MDGA2: variants seen among roughly 807,000 people sequenced by gnomAD.
MDGA2 encodes MAM domain containing glycosylphosphatidylinositol anchor 2.
In MDGA2, 40 loss-of-function variants were observed where a neutral mutation model predicts 117.8. The ratio of observed to expected loss-of-function variants is 0.34; its 90% CI spans 0.26 to 0.44. MDGA2 has a LOEUF of 0.44. Ranked by LOEUF, MDGA2 falls within the 20% of genes least tolerant of loss-of-function variation. MDGA2 has a pLI of 1.00. For missense variants in MDGA2, 1,123 were observed against 1,250.6 expected, an observed-to-expected ratio of 0.90 and a Z score of 1.54; for synonymous variants, 452 against 439.0, an observed-to-expected ratio of 1.03 and a Z score of -0.37.
intron 6 of MDGA2, among the ~76,000 whole-genome samples, chr14:47,084,387 A>C (rs532125669): frequency 6.6e-6 from 1 of 152,214 alleles, no homozygotes; most frequent in East Asian, 1.9e-4. Context: ...AGACAGTTAA[A>C]GAAGTGCTGA....
intron 8 of MDGA2, among the ~76,000 whole-genome samples, chr14:46,995,154 A>G (rs1247503304): frequency 6.6e-6 from 1 of 152,210 alleles, no homozygotes; most frequent in African/African-American, 2.4e-5. Context: ...AAACAATTTA[A>G]GTAAAACAAA....
chr14:47,259,052 C>G (rs150726735), intron 2 of MDGA2, among the ~76,000 whole-genome samples: 1 of 151,948 alleles, frequency 6.6e-6, no homozygotes, highest in Non-Finnish European at 1.5e-5. Flanking sequence ...ATACTCAAAC[C>G]TAAAAGCTAT....
chr14:47,519,803 A>G (rs979391154), intron 1 of MDGA2, among the ~76,000 whole-genome samples: 1 of 152,190 alleles, frequency 6.6e-6, no homozygotes, highest in Non-Finnish European at 1.5e-5. Context: ...CCAAATGAGT[A>G]AGGACTATTT....
chr14:47,615,229 A>T (rs1896927668), intron 1 of MDGA2, among the ~76,000 whole-genome samples: 1 of 152,216 alleles, frequency 6.6e-6, no homozygotes, highest in Non-Finnish European at 1.5e-5. Context: ...TAATAAAAAA[A>T]GATTCAGAAA....
chr14:47,560,780 C>G (rs962088489), intron 1 of MDGA2, among the ~76,000 whole-genome samples: 2 of 151,988 alleles, frequency 1.3e-5, no homozygotes, highest in African/African-American at 2.4e-5. Context: ...AAATCTTTGC[C>G]AGGTCCTATA....
chr14:47,495,372 T>A (rs918878298), intron 1 of MDGA2, among the ~76,000 whole-genome samples: 2 of 151,034 alleles, frequency 1.3e-5, no homozygotes, highest in Admixed American at 6.6e-5. Flanking sequence ...ACACAATACA[T>A]CCATGTAACA....
intron 2 of MDGA2, among the ~76,000 whole-genome samples, chr14:47,300,716 C>T (rs572818258): frequency 2.7e-5 from 4 of 149,298 alleles, no homozygotes; most frequent in South Asian, 2.1e-4. Context: ...CCAGGCTGGT[C>T]GCCAACTTCT....
At chr14:47,068,499 T>C (rs1890165575) in intron 6 of MDGA2, among the ~76,000 whole-genome samples, 2 of 151,586 alleles carry the variant, frequency 1.3e-5, no homozygotes, top group South Asian at 2.1e-4. Context: ...GTGGCTACCA[T>C]GTAAATGGTA....
chr14:47,471,450 T>C (rs1245275253), intron 1 of MDGA2, among the ~76,000 whole-genome samples: 4 of 152,170 alleles, frequency 2.6e-5, no homozygotes, highest in African/African-American at 4.8e-5. Flanking sequence ...AAAATCATTA[T>C]ATGAACCAAT....
At chr14:47,421,109 A>G (rs1892569507) in intron 1 of MDGA2, among the ~76,000 whole-genome samples, 1 of 152,124 alleles carries the variant, frequency 6.6e-6, no homozygotes, top group African/African-American at 2.4e-5. Context: ...TACCTGGTCA[A>G]TCAATAACCC....
At chr14:47,633,595 G>A (rs1467429066) in intron 1 of MDGA2, among the ~76,000 whole-genome samples, 1 of 152,108 alleles carries the variant, frequency 6.6e-6, no homozygotes, top group Non-Finnish European at 1.5e-5. Context: ...AAGAAAAAAC[G>A]CCAAATTTCA....
chr14:47,242,315 C>T (rs1342641278), intron 2 of MDGA2, among the ~76,000 whole-genome samples: 1 of 151,954 alleles, frequency 6.6e-6, no homozygotes, highest in Non-Finnish European at 1.5e-5. Context: ...CTCTCAGCAC[C>T]TCCCCTGCCT....
intron 15 of MDGA2, among the ~76,000 whole-genome samples, chr14:46,848,957 G>C (rs574882321): frequency 6.6e-6 from 1 of 152,052 alleles, no homozygotes; most frequent in South Asian, 2.1e-4. Context: ...AAGTGGTACA[G>C]TAAAAAAAGT....
At chr14:47,364,341 T>C (rs1891185687) in intron 1 of MDGA2, among the ~76,000 whole-genome samples, 1 of 152,250 alleles carries the variant, frequency 6.6e-6, no homozygotes, top group Non-Finnish European at 1.5e-5. Context: ...CTCTGCTCAC[T>C]GCAAGCTCTG....
chr14:47,464,100 TACACACACACACACACACACAC>T (rs71449610), intron 1 of MDGA2, among the ~76,000 whole-genome samples: 2 of 141,514 alleles, frequency 1.4e-5, no homozygotes, highest in Non-Finnish European at 3.1e-5. Flanking sequence ...ACTTACTATG[TACACACACACACACACACACAC>T]ACACACACAC....
At chr14:47,319,269 A>G (rs1441306923) in intron 1 of MDGA2, among the ~76,000 whole-genome samples, 2 of 151,960 alleles carry the variant, frequency 1.3e-5, no homozygotes, top group Non-Finnish European at 2.9e-5. Flanking sequence ...AACATCCTTG[A>G]GTTTGAACAA....
intron 12 of MDGA2, among the ~76,000 whole-genome samples, chr14:46,876,031 T>C (rs1882214285): frequency 6.6e-6 from 1 of 151,546 alleles, no homozygotes; most frequent in Non-Finnish European, 1.5e-5. Flanking sequence ...AATTAAGCAA[T>C]AATGCAGCTT....
At chr14:47,065,819 G>A (rs1342992075) in intron 6 of MDGA2, among the ~76,000 whole-genome samples, 1 of 152,110 alleles carries the variant, frequency 6.6e-6, no homozygotes, top group African/African-American at 2.4e-5. Context: ...AGTGACCACT[G>A]ATCACCATTT....
At chr14:47,415,760 G>C (rs1328444365) in intron 1 of MDGA2, among the ~76,000 whole-genome samples, 1 of 152,092 alleles carries the variant, frequency 6.6e-6, no homozygotes, top group East Asian at 1.9e-4. Context: ...TTGAGATGAA[G>C]GGGCTAGCAT....
Sources: gnomAD v4.1 joint callset for allele counts (sites outside exome capture counted in the v4.1 genomes callset) on GRCh38, gnomAD v4.1.1 for gene constraint, MANE v1.5 for transcripts, NCBI Gene and HGNC (gene_info 2026-07-23, HGNC 2026-07-21) for gene names.